Variants in SEC14L5 observed in about 807,000 individuals in gnomAD.
SEC14L5 encodes the protein SEC14 like lipid binding 5, also known as SEC14-like protein 5.
A neutral mutation model predicts 84.6 loss-of-function variants in SEC14L5; 96 were observed. The ratio of observed to expected loss-of-function variants is 1.13; its 90% CI spans 0.96 to 1.34. The LOEUF (loss-of-function observed/expected upper bound fraction) is 1.34, where lower values mean the gene tolerates loss of function less well. Among genes scored for constraint, SEC14L5 ranks in the 40% most tolerant of loss-of-function variants. The pLI is 0.00. For missense variants in SEC14L5, 1,224 were observed against 942.5 expected, an observed-to-expected ratio of 1.30 and a Z score of -3.91; for synonymous variants, 546 against 383.4, an observed-to-expected ratio of 1.42 and a Z score of -4.95.
At position 5,000,842 on chromosome 16, in the gene SEC14L5, C is replaced by G. The variant is rs1411519593; in HGVS notation, c.1060-13C>G. The G allele has an allele frequency of 1.9e-6, 3 of 1,598,104 alleles. No individual in the cohort carries two copies. The highest frequency in any genetic ancestry group is 2.6e-6 in the Non-Finnish European group (3 of 1,172,330). On this transcript the variant is annotated splice_polypyrimidine_tract_variant and intron_variant, in intron 9 of 15. Coordinates refer to ENST00000251170, the MANE Select transcript of SEC14L5 (RefSeq NM_014692.2). ...CGAGGCGGACGTTGAGCAGCACTGT[C>G]TCTCCCTTCCAGGTTCTCTCCGTCA...
chr16:4,975,258 G>T (rs959339919), intron 2 of SEC14L5, among the ~76,000 whole-genome samples: 5 of 151,898 alleles, frequency 3.3e-5, no homozygotes, highest in Non-Finnish European at 7.4e-5. Context: ...GGATCACAAG[G>T]TCAGGAGATC....
At chr16:5,004,495 G>A (rs1448887729) in intron 11 of SEC14L5, among the ~76,000 whole-genome samples, 2 of 152,080 alleles carry the variant, frequency 1.3e-5, no homozygotes, top group Non-Finnish European at 2.9e-5. Flanking sequence ...GGGAAGGAGA[G>A]ACCCCAAGCA....
intron 2 of SEC14L5, among the ~76,000 whole-genome samples, chr16:4,968,273 G>A (rs1307896993): frequency 2.0e-5 from 3 of 151,500 alleles, no homozygotes; most frequent in Non-Finnish European, 4.4e-5. Flanking sequence ...TCTGCCTCCC[G>A]GGTTCAAGCA....
intron 11 of SEC14L5, 43 bp from the exon 12 acceptor site, chr16:5,005,871 A>AAAAAC: frequency 6.7e-7 from 1 of 1,495,922 alleles, no homozygotes; most frequent in African/African-American, 1.5e-5. Context: ...CTCAAAAAAA[A>AAAAAC]AAAAAAAAAA....
rs867132007 is a variant in SEC14L5, at chr16:4,997,184, C to T, written c.970+140C>T. 6.2e-4 allele frequency: 350 copies of T among 566,948 alleles called. 1 individual carries two copies. Among genetic ancestry groups the T allele is most frequent in the Middle Eastern group, 3.6e-3 (7 of 1,954 alleles). The allele number at this position is 566,948 out of a possible 1,614,324, so 35.1% of individuals were successfully genotyped here. On this transcript the variant is annotated intron_variant, in intron 8 of 15. Coordinates refer to ENST00000251170, the MANE Select transcript of SEC14L5 (RefSeq NM_014692.2). ...TGCCATCTCGGCTCACCATAATCTC[C>T]GCTTCCCGGGTTCAAGCAATTCTCC... is the stretch of plus-strand genomic sequence containing the variant.
chr16:5,011,001 C>G, intron 14 of SEC14L5, 94 bp from the exon 15 acceptor site: 1 of 1,261,100 alleles, frequency 7.9e-7, no homozygotes, highest in Non-Finnish European at 1.1e-6. Flanking sequence ...GCCCCAATTT[C>G]CAGGCCTGGT....
rs1321345341 is a variant in SEC14L5 at position 5,000,985 on chromosome 16, G to A, written c.1130+60G>A. On this transcript the variant is annotated intron_variant, in intron 10 of 15. Transcript: ENST00000251170. ...ACAGCAAAGACGGAGGGTGGAGAGG[G>A]GTCCACTGTGCATATGTGCTGGGCT... 4.6e-6 allele frequency: 6 copies of A among 1,305,170 alleles called. No individual in the cohort carries two copies. In the Admixed American group the frequency reaches 7.8e-5, roughly 17 times the overall value. The allele number at this position is 1,305,170 out of a possible 1,614,324, so 80.8% of individuals were successfully genotyped here.
Position 5,000,617 on chromosome 16 carries a change from TA to T in SEC14L5, c.971-36del, listed in dbSNP as rs766441717. On this transcript the variant is annotated intron_variant, in intron 8 of 15. Coordinates refer to ENST00000251170, the MANE Select transcript of SEC14L5 (RefSeq NM_014692.2). ...TGCCCCTCGGAAGCAGTCCTCTAAATAACGGGCTCTTCTTTCTGCTTGGCCC... is the reference window on the plus strand; with the variant it reads ...TGCCCCTCGGAAGCAGTCCTCTAAATACGGGCTCTTCTTTCTGCTTGGCCC... The T allele has an allele frequency of 2.9e-5, 43 of 1,484,922 alleles. 1 individual carries two copies. The Admixed American group carries it at 8.5e-4, about 29-fold the overall frequency. 92.0% of individuals were successfully genotyped at this position (1,484,922 alleles called of 1,614,324 possible).
intron 6 of SEC14L5, among the ~76,000 whole-genome samples, chr16:4,995,686 G>C (rs529014440): frequency 6.7e-6 from 1 of 149,880 alleles, no homozygotes; most frequent in South Asian, 2.1e-4. Flanking sequence ...GAGTGCAGTG[G>C]TGCAATCTTG....
At chr16:4,992,665 G>A (rs556229696) in intron 6 of SEC14L5, among the ~76,000 whole-genome samples, 51 of 152,318 alleles carry the variant, frequency 3.3e-4, no homozygotes, top group African/African-American at 1.1e-3. Context: ...TAATTATTAC[G>A]ATTGCTATTG....
chr16:4,972,477 A>C (rs908385408), intron 2 of SEC14L5, among the ~76,000 whole-genome samples: 1 of 152,154 alleles, frequency 6.6e-6, no homozygotes, highest in Non-Finnish European at 1.5e-5. Context: ...CCCATGAAAC[A>C]CTAACTCTCC....
intron 15 of SEC14L5, 57 bp from the exon 16 acceptor site, chr16:5,014,802 A>C: frequency 7.3e-6 from 10 of 1,365,310 alleles, no homozygotes; most frequent in Non-Finnish European, 1.0e-5. Context: ...GCTGTGTGTC[A>C]GCCCAAGGGC....
chr16:4,992,138 G>A (rs1404710521), intron 6 of SEC14L5, 108 bp downstream of exon 6: 14 of 751,654 alleles, frequency 1.9e-5, no homozygotes, highest in Non-Finnish European at 2.9e-5. Context: ...CGTCCCCCCT[G>A]GGAATGGGTC....
intron 2 of SEC14L5, among the ~76,000 whole-genome samples, chr16:4,961,581 G>A (rs756423125): frequency 2.0e-5 from 3 of 152,060 alleles, no homozygotes; most frequent in South Asian, 4.1e-4. Flanking sequence ...CACTAGCCTC[G>A]GCCTCCCAAA....
chr16:4,975,433 A>C (rs1955328340), intron 2 of SEC14L5, among the ~76,000 whole-genome samples: 1 of 136,742 alleles, frequency 7.3e-6, no homozygotes, highest in Non-Finnish European at 1.5e-5. Context: ...AGATCATGCC[A>C]CTGCACTCCA....
chr16:4,997,729 G>A (rs947097277), intron 8 of SEC14L5, among the ~76,000 whole-genome samples: 11 of 152,288 alleles, frequency 7.2e-5, no homozygotes, highest in Admixed American at 3.9e-4. Flanking sequence ...GAGTCAAGGC[G>A]TCACCAGGGC....
chr16:5,012,825 G>A (rs1031559331), intron 15 of SEC14L5, among the ~76,000 whole-genome samples: 3 of 151,906 alleles, frequency 2.0e-5, no homozygotes, highest in Non-Finnish European at 4.4e-5. Flanking sequence ...AACCCAGGAG[G>A]TGGAGATTGC....
chr16:5,005,680 T>G (rs888429092), intron 11 of SEC14L5, among the ~76,000 whole-genome samples: 3 of 151,120 alleles, frequency 2.0e-5, no homozygotes, highest in African/African-American at 7.3e-5. Context: ...GCTAACATGG[T>G]GAAACCCCGT....
intron 6 of SEC14L5, 107 bp downstream of exon 6, chr16:4,992,137 T>C: frequency 2.7e-6 from 2 of 748,724 alleles, no homozygotes; most frequent in Non-Finnish European, 2.1e-6. Context: ...CCGTCCCCCC[T>C]GGGAATGGGT....
Sources: gnomAD v4.1 joint callset for allele counts (sites outside exome capture counted in the v4.1 genomes callset) on GRCh38, gnomAD v4.1.1 for gene constraint, MANE v1.5 for transcripts, NCBI Gene and HGNC (gene_info 2026-07-23, HGNC 2026-07-21) for gene names.